DNMT1: variants seen among roughly 807,000 people sequenced by gnomAD.
The protein encoded by DNMT1 is DNA (cytosine-5)-methyltransferase 1.
In DNMT1, 24 loss-of-function variants were observed where a neutral mutation model predicts 205.3. That is an observed-to-expected ratio of 0.12 (90% CI 0.08 to 0.16). The LOEUF (loss-of-function observed/expected upper bound fraction) is 0.16. Among genes scored for constraint, DNMT1 ranks in the 10% least tolerant of loss-of-function variants. The pLI is 1.00. For synonymous variants in DNMT1, 817 were observed against 839.8 expected (o/e 0.97, Z 0.47); for missense variants, 1,293 against 2,177.7 (o/e 0.59, Z 8.09).
chr19:10,180,011 G>C (rs750036535), intron 5 of DNMT1, 176 bp downstream of exon 5: 9 of 229,478 alleles, frequency 3.9e-5, no homozygotes, highest in African/African-American at 2.3e-4. Flanking sequence ...AAAAAAGAAA[G>C]AAAGAAAGAG....
intron 29 of DNMT1, 95 bp downstream of exon 29, chr19:10,143,671 T>C: frequency 1.4e-6 from 2 of 1,419,722 alleles, no homozygotes; most frequent in Non-Finnish European, 2.0e-6. Context: ...ACCTAACTCT[T>C]AGAACAACTG....
intron 1 of DNMT1, 144 bp from the exon 2 acceptor site, chr19:10,182,221 T>TC (rs2039060881): frequency 1.2e-6 from 1 of 806,602 alleles, no homozygotes; most frequent in East Asian, 2.7e-5. Context: ...GGCTTTTGTC[T>TC]CCCCGCAAGA....
intron 1 of DNMT1, among the ~76,000 whole-genome samples, chr19:10,185,540 G>A (rs2039161908): frequency 6.6e-6 from 1 of 151,782 alleles, no homozygotes. Context: ...GGTGCTACAA[G>A]GCCAGGCAAG....
At chr19:10,181,930 C>A in intron 2 of DNMT1, 111 bp downstream of exon 2, 1 of 929,446 alleles carries the variant, frequency 1.1e-6, no homozygotes, top group Non-Finnish European at 1.7e-6. Flanking sequence ...ATCTTTGAAA[C>A]TCCATGGGAA....
At chr19:10,180,145 C>T in intron 5 of DNMT1, 42 bp downstream of exon 5, 1 of 645,694 alleles carries the variant, frequency 1.5e-6, no homozygotes, top group Non-Finnish European at 2.7e-6. Context: ...AAGACCCCAT[C>T]TCTACTAAAT....
At chr19:10,150,882 C>T (rs955435823) in intron 24 of DNMT1, among the ~76,000 whole-genome samples, 3 of 151,948 alleles carry the variant, frequency 2.0e-5, no homozygotes, top group African/African-American at 4.8e-5. Flanking sequence ...CACTTGAGGC[C>T]GGAGTTCGAG....
At chr19:10,139,382 C>A (rs2089556824) in intron 34 of DNMT1, among the ~76,000 whole-genome samples, 1 of 152,262 alleles carries the variant, frequency 6.6e-6, no homozygotes, top group Admixed American at 6.5e-5. Flanking sequence ...GCTGCTCACC[C>A]TTCCCCATCG....
At chr19:10,177,862 G>A (rs1336628972) in intron 5 of DNMT1, among the ~76,000 whole-genome samples, 3 of 151,206 alleles carry the variant, frequency 2.0e-5, no homozygotes, top group Non-Finnish European at 4.4e-5. Flanking sequence ...GAACCCAGGA[G>A]ATGGGGGTTG....
chr19:10,173,759 T>C (rs2038874748), intron 8 of DNMT1, 112 bp downstream of exon 8: 1 of 1,195,930 alleles, frequency 8.4e-7, no homozygotes, highest in African/African-American at 1.5e-5. Flanking sequence ...CCCAAAGTGC[T>C]GAGATTACAG....
chr19:10,143,116 A>G (rs1285548938), intron 29 of DNMT1, among the ~76,000 whole-genome samples: 1 of 152,266 alleles, frequency 6.6e-6, no homozygotes, highest in African/African-American at 2.4e-5. Context: ...AAAAAATCCC[A>G]GAGACAGAAA....
chr19:10,183,785 G>A (rs1032479283), intron 1 of DNMT1, among the ~76,000 whole-genome samples: 6 of 152,312 alleles, frequency 3.9e-5, no homozygotes, highest in South Asian at 2.1e-4. Flanking sequence ...GCTGAGGCAG[G>A]AGAATCACTT....
Position 10,194,894 on chromosome 19 carries a change from C to A in DNMT1, c.6G>T (p.Pro2=). ...GCACCCGGGCTGGGGCGGTACGCGCCGGCATCTCGGAGGCTTCAGCAGACG... is the reference window on the plus strand; with the variant it reads ...GCACCCGGGCTGGGGCGGTACGCGCAGGCATCTCGGAGGCTTCAGCAGACG... M[P]ARTAPARVPT... is the part of the protein sequence containing the mutation. The change falls in exon 1 of 41, where the codon CCG becomes CCT. Residue 2 remains proline (P), a synonymous_variant. Transcript: ENST00000359526. The A allele has an allele frequency of 6.2e-7, 1 of 1,608,790 alleles. No individual in the cohort carries two copies. Among genetic ancestry groups the A allele is most frequent in the South Asian group, 1.1e-5 (1 of 90,552 alleles).
chr19:10,189,469 G>A (rs2039259787), intron 1 of DNMT1, among the ~76,000 whole-genome samples: 1 of 150,486 alleles, frequency 6.6e-6, no homozygotes. Context: ...ACCCAGGCTG[G>A]AGTGCAGTGG....
chr19:10,182,208 GCTGGC>G, intron 1 of DNMT1, 131 bp from the exon 2 acceptor site: 2 of 912,434 alleles, frequency 2.2e-6, no homozygotes, highest in Admixed American at 2.0e-5. Flanking sequence ...AAAAAACTAA[GCTGGC>G]TTTTGTCTCC....
rs971082616 is a variant in DNMT1 at position 10,175,483 on chromosome 19, C to T, written c.648+57G>A. On this transcript the variant is annotated intron_variant, in intron 7 of 40. Coordinates refer to ENST00000359526, the MANE Select transcript of DNMT1 (RefSeq NM_001130823.3). ...CTTGGACAGAACACATATGAAGTCA[C>T]AATCATCAAATACACCAAGTTAAGG... 6.9e-6 allele frequency: 11 copies of T among 1,598,664 alleles called. No homozygotes were observed. The African/African-American group carries it at 8.0e-5, about 12-fold the overall frequency.
At chr19:10,180,015 G>A (rs1314923446) in intron 5 of DNMT1, 172 bp downstream of exon 5, 4 of 248,738 alleles carry the variant, frequency 1.6e-5, no homozygotes, top group South Asian at 1.1e-4. Flanking sequence ...AAGAAAGAAA[G>A]AAAGAGAGTT....
In DNMT1 at chr19:10,149,846, T is replaced by C; in HGVS notation, c.2381+7A>G. 2 of 1,614,114 alleles carry C rather than the reference T, an allele frequency of 1.2e-6. No individual in the cohort carries two copies. The highest frequency in any genetic ancestry group is 1.7e-6 in the Non-Finnish European group (2 of 1,179,956). On this transcript the variant is annotated splice_region_variant and intron_variant, in intron 25 of 40. Coordinates refer to ENST00000359526, the MANE Select transcript of DNMT1 (RefSeq NM_001130823.3). ...TGCAGAAGTCAAGCAAAAAGAAAGA[T>C]GCAAACCTTGCTAGATACAGCGGTT...
chr19:10,173,231 A>G, intron 8 of DNMT1, 57 bp from the exon 9 acceptor site: 1 of 1,580,512 alleles, frequency 6.3e-7, no homozygotes, highest in Non-Finnish European at 8.7e-7. Context: ...TCCCCAAAGA[A>G]GCAGTTTTCA....
chr19:10,141,422 T>C (rs2089598713), intron 30 of DNMT1: 1 of 540,808 alleles, frequency 1.8e-6, no homozygotes, highest in Non-Finnish European at 3.3e-6. Flanking sequence ...TACAAGCACT[T>C]GAGAGTACCT....
Sources: gnomAD v4.1 joint callset for allele counts (sites outside exome capture counted in the v4.1 genomes callset) on GRCh38, gnomAD v4.1.1 for gene constraint, MANE v1.5 for transcripts, NCBI Gene and HGNC (gene_info 2026-07-23, HGNC 2026-07-21) for gene names.